Variants in SDK1 observed in about 807,000 individuals in gnomAD.
The protein encoded by SDK1 is protein sidekick-1.
In SDK1, 157 loss-of-function variants were observed where a neutral mutation model predicts 245.5. The observed-to-expected ratio is 0.64, with a 90% CI of 0.56 to 0.73. The LOEUF (loss-of-function observed/expected upper bound fraction) is 0.73. SDK1 is among the 30% of genes least tolerant of loss of function. The probability of loss-of-function intolerance (pLI) is 0.00; values close to 1 mark genes in which losing one functional copy is unlikely to be tolerated. For synonymous variants in SDK1, 1,647 were observed against 1,278.5 expected, an observed-to-expected ratio of 1.29 and a Z score of -6.15; for missense variants, 3,583 against 3,002.3, an observed-to-expected ratio of 1.19 and a Z score of -4.52.
At position 4,225,716 on chromosome 7, in the gene SDK1, T is replaced by C. The variant is rs533418549; in HGVS notation, c.5827+4352T>C. Among the ~76,000 whole-genome samples, 158 of 152,182 alleles carry C rather than the reference T, an allele frequency of 1.0e-3. 1 individual carries two copies. The highest frequency in any genetic ancestry group is 3.6e-3 in the African/African-American group (151 of 41,534). On this transcript the variant is annotated intron_variant, in intron 40 of 44. Coordinates refer to ENST00000404826, the MANE Select transcript of SDK1 (RefSeq NM_152744.4). Reference sequence around the variant, plus strand: ...ACGCCTCAGAGTGGCTTGCCTAACATGGAGAAGCTTCTGAAGTCAGCTGAG... The same window carrying C: ...ACGCCTCAGAGTGGCTTGCCTAACACGGAGAAGCTTCTGAAGTCAGCTGAG...
chr7:3,568,673 A>G (rs1463928314), intron 1 of SDK1, among the ~76,000 whole-genome samples: 1 of 152,188 alleles, frequency 6.6e-6, no homozygotes, highest in Non-Finnish European at 1.5e-5. Context: ...TGGCAGACAG[A>G]GCCATTATAA....
At chr7:3,818,613 T>C (rs1231696263) in intron 4 of SDK1, among the ~76,000 whole-genome samples, 1 of 152,122 alleles carries the variant, frequency 6.6e-6, no homozygotes, top group Non-Finnish European at 1.5e-5. Flanking sequence ...TGAATCTGTA[T>C]TGGAGTGTTT....
chr7:4,129,975 A>T lies in SDK1; in HGVS notation c.4007A>T (p.Gln1336Leu). 1 of 1,613,818 alleles carries T rather than the reference A, an allele frequency of 6.2e-7. No individual in the cohort carries two copies. Among genetic ancestry groups the T allele is most frequent in the Non-Finnish European group, 8.5e-7 (1 of 1,179,992 alleles). The change falls in exon 27 of 45, where the codon CAG becomes CTG. Residue 1336 changes from glutamine to leucine, a missense_variant. Coordinates refer to ENST00000404826, the MANE Select transcript of SDK1 (RefSeq NM_152744.4). ...CACATCGTGCGAGGGAACCACACGC[A>T]GTCGGCCCTGCTGGCAGGCCTGCGC... ...RSHIVRGNHT[Q>L]SALLAGLRKF...
intron 1 of SDK1, among the ~76,000 whole-genome samples, chr7:3,343,735 T>C (rs1391728551): frequency 6.7e-6 from 1 of 148,176 alleles, no homozygotes; most frequent in Admixed American, 6.7e-5. Context: ...TAAATATGAA[T>C]GGACTGACTT....
intron 5 of SDK1, among the ~76,000 whole-genome samples, chr7:3,850,161 C>G (rs1417254754): frequency 6.6e-6 from 1 of 152,148 alleles, no homozygotes; most frequent in South Asian, 2.1e-4. Flanking sequence ...TGGGAATGGA[C>G]CCACCCCCCT....
intron 1 of SDK1, among the ~76,000 whole-genome samples, chr7:3,475,216 T>C (rs557195498): frequency 6.6e-5 from 10 of 152,342 alleles, no homozygotes; most frequent in Middle Eastern, 3.4e-3. Flanking sequence ...TCCTGCTCTT[T>C]AGTGTCACTT....
At chr7:3,498,762 A>G (rs1159139075) in intron 1 of SDK1, among the ~76,000 whole-genome samples, 3 of 147,810 alleles carry the variant, frequency 2.0e-5, no homozygotes, top group African/African-American at 5.0e-5. Flanking sequence ...TACTCCCTCC[A>G]TATACATTCT....
chr7:3,818,836 T>C lies in SDK1; in HGVS notation c.714-2614T>C, dbSNP rs981892588. ...GGTCATTTCTATCATGGCCATAAAA[T>C]CACCACCATGAACACGTTGGACAAA... On this transcript the variant is annotated intron_variant, in intron 4 of 44. Transcript: ENST00000404826. Among the ~76,000 whole-genome samples the C allele has an allele frequency of 2.0e-5, 3 of 152,118 alleles. No homozygotes were observed. In the East Asian group the frequency reaches 5.8e-4, roughly 29 times the overall value.
chr7:3,936,784 A>G (rs147106976), intron 5 of SDK1, among the ~76,000 whole-genome samples: 30 of 152,348 alleles, frequency 2.0e-4, no homozygotes, highest in African/African-American at 7.0e-4. Flanking sequence ...GGTACTGGGA[A>G]GCCTGCCTGG....
intron 35 of SDK1, among the ~76,000 whole-genome samples, chr7:4,191,992 GCTC>G (rs1783237327): frequency 6.6e-6 from 1 of 152,174 alleles, no homozygotes. Flanking sequence ...CCCTCGCCCT[GCTC>G]CTCCTCTCCA....
chr7:3,688,380 T>G (rs1231188796), intron 4 of SDK1, among the ~76,000 whole-genome samples: 1 of 152,220 alleles, frequency 6.6e-6, no homozygotes, highest in African/African-American at 2.4e-5. Flanking sequence ...GCAAGTTAGT[T>G]AATCTTTTGA....
chr7:3,781,469 A>C (rs573734284), intron 4 of SDK1, among the ~76,000 whole-genome samples: 1 of 152,310 alleles, frequency 6.6e-6, no homozygotes, highest in South Asian at 2.1e-4. Context: ...AGGCCAGAAA[A>C]GGGGACTGTC....
In SDK1 at chr7:4,186,399, C is replaced by T. The variant is rs542673999; in HGVS notation, c.5098+7813C>T. Among the ~76,000 whole-genome samples the T allele has an allele frequency of 2.8e-4, 43 of 152,326 alleles. 1 individual carries two copies. The highest frequency in any genetic ancestry group is 1.8e-3 in the Admixed American group (27 of 15,308). On this transcript the variant is annotated intron_variant, in intron 35 of 44. Coordinates refer to ENST00000404826, the MANE Select transcript of SDK1 (RefSeq NM_152744.4). ...CGTGCACCTTTGTTATCCCCAGGGT[C>T]GCTCTTTAGCCAGAGTTAGTGGCAG...
At chr7:3,668,818 G>C (rs1783611998) in intron 4 of SDK1, among the ~76,000 whole-genome samples, 1 of 152,076 alleles carries the variant, frequency 6.6e-6, no homozygotes. Flanking sequence ...ATACTATATT[G>C]CCTTTTATGA....
intron 4 of SDK1, among the ~76,000 whole-genome samples, chr7:3,810,886 T>C (rs185365692): frequency 3.3e-5 from 5 of 152,334 alleles, no homozygotes; most frequent in Admixed American, 6.5e-5. Flanking sequence ...TTATTACATG[T>C]ACGCTCTTGA....
chr7:4,170,245 G>A (rs572894687), intron 32 of SDK1, among the ~76,000 whole-genome samples: 3 of 152,198 alleles, frequency 2.0e-5, no homozygotes, highest in Admixed American at 1.3e-4. Flanking sequence ...CCAGTAGTTC[G>A]AGACCAGCCT....
chr7:3,687,870 G>A (rs1320698225), intron 4 of SDK1, among the ~76,000 whole-genome samples: 3 of 152,202 alleles, frequency 2.0e-5, no homozygotes, highest in Non-Finnish European at 2.9e-5. Flanking sequence ...GTCATTGCAG[G>A]AACCTGGATA....
At position 3,974,552 on chromosome 7, in the gene SDK1, A is replaced by G. The variant is rs897136549; in HGVS notation, c.1994+7A>G. The G allele has an allele frequency of 6.2e-7, 1 of 1,613,576 alleles. No individual in the cohort carries two copies. The highest frequency in any genetic ancestry group is 1.6e-4 in the Middle Eastern group (1 of 6,062). ...TGGCCCGGCTGGAAGTGATGTGAGT[A>G]CTGAGACGTTTGGTGTTAGCCAGTC... On this transcript the variant is annotated splice_region_variant and intron_variant, in intron 13 of 44. Coordinates refer to ENST00000404826, the MANE Select transcript of SDK1 (RefSeq NM_152744.4).
At chr7:3,784,428 A>G (rs1313309630) in intron 4 of SDK1, among the ~76,000 whole-genome samples, 1 of 152,098 alleles carries the variant, frequency 6.6e-6, no homozygotes, top group Non-Finnish European at 1.5e-5. Context: ...ACTAATCTAC[A>G]GAGTAAGAAA....
Sources: gnomAD v4.1 joint callset for allele counts (sites outside exome capture counted in the v4.1 genomes callset) on GRCh38, gnomAD v4.1.1 for gene constraint, MANE v1.5 for transcripts, NCBI Gene and HGNC (gene_info 2026-07-23, HGNC 2026-07-21) for gene names.